CIRSR: variants seen among roughly 807,000 people sequenced by gnomAD.
CIRSR encodes CBF1 (RBPJ) interacting corepressor 1.
At chr2:174,360,166 A>G in the CIRSR span, among the ~76,000 whole-genome samples, 1 of 152,238 alleles carries the variant, frequency 6.6e-6, no homozygotes, top group Non-Finnish European at 1.5e-5. Context: ...ATATGTAACA[A>G]ACTGCACGTT....
At chr2:174,356,326 C>T in the CIRSR span, among the ~76,000 whole-genome samples, 2 of 151,700 alleles carry the variant, frequency 1.3e-5, no homozygotes, top group South Asian at 2.1e-4. Flanking sequence ...ATTAGCTGGC[C>T]GTGGTGGCGC....
the CIRSR span, chr2:174,378,865 T>C: frequency 8.1e-7 from 1 of 1,227,380 alleles, no homozygotes; most frequent in Non-Finnish European, 1.2e-6. Flanking sequence ...TAAAGAAAAA[T>C]GTTGTTTTAT....
the CIRSR span, chr2:174,369,942 C>G: frequency 4.4e-6 from 6 of 1,357,292 alleles, no homozygotes; most frequent in Non-Finnish European, 5.9e-6. Flanking sequence ...TAAGCACATA[C>G]GGTTGGAAAA....
At chr2:174,386,080 C>T in the CIRSR span, among the ~76,000 whole-genome samples, 14 of 152,144 alleles carry the variant, frequency 9.2e-5, no homozygotes, top group African/African-American at 3.4e-4. Context: ...AGTTTTTCAC[C>T]TCCACTCTGT....
chr2:174,360,736 T>C, the CIRSR span, among the ~76,000 whole-genome samples: 1 of 152,184 alleles, frequency 6.6e-6, no homozygotes, highest in African/African-American at 2.4e-5. Flanking sequence ...AGAACAAGAT[T>C]GTAATTAAAA....
At chr2:174,348,245 G>A in the CIRSR span, 1 of 423,510 alleles carries the variant, frequency 2.4e-6, no homozygotes, top group Non-Finnish European at 4.0e-6. Flanking sequence ...ACAAGAAACA[G>A]TTACCAACAG....
chr2:174,392,147 G>A, the CIRSR span, among the ~76,000 whole-genome samples: 3 of 152,158 alleles, frequency 2.0e-5, no homozygotes, highest in South Asian at 2.1e-4. Flanking sequence ...ACAAGCGCCC[G>A]CCACCACACC....
chr2:174,382,583 G>C, the CIRSR span, among the ~76,000 whole-genome samples: 2 of 152,156 alleles, frequency 1.3e-5, no homozygotes, highest in Admixed American at 1.3e-4. Context: ...AGGTTGCAGT[G>C]AGCCGAGATC....
At chr2:174,387,576 T>C in the CIRSR span, 5 of 1,196,116 alleles carry the variant, frequency 4.2e-6, no homozygotes, top group Non-Finnish European at 5.7e-6. Context: ...ACACGAATCC[T>C]ATAATTGGGT....
the CIRSR span, among the ~76,000 whole-genome samples, chr2:174,353,530 C>G: frequency 6.6e-6 from 1 of 152,076 alleles, no homozygotes; most frequent in African/African-American, 2.4e-5. Context: ...TGCAGTGGCA[C>G]GATCTCGGCT....
the CIRSR span, among the ~76,000 whole-genome samples, chr2:174,364,788 G>A: frequency 2.6e-5 from 4 of 152,176 alleles, no homozygotes; most frequent in Admixed American, 6.5e-5. Context: ...CAGGTCCCTG[G>A]GCTGCACACA....
chr2:174,349,197 C>T, the CIRSR span: 65 of 1,161,924 alleles, frequency 5.6e-5, no homozygotes, highest in African/African-American at 8.8e-4. Context: ...TAAACAGTAA[C>T]AGACTGTGTG....
chr2:174,350,272 C>T, the CIRSR span, among the ~76,000 whole-genome samples: 1 of 152,108 alleles, frequency 6.6e-6, no homozygotes, highest in Admixed American at 6.6e-5. Flanking sequence ...TTCACGTTTA[C>T]CTTAAATTTA....
chr2:174,385,552 CT>C, the CIRSR span, among the ~76,000 whole-genome samples: 1 of 151,972 alleles, frequency 6.6e-6, no homozygotes, highest in Non-Finnish European at 1.5e-5. Flanking sequence ...CCTAAGAAAA[CT>C]GGTTGATTCC....
At chr2:174,392,238 C>T in the CIRSR span, among the ~76,000 whole-genome samples, 1 of 152,236 alleles carries the variant, frequency 6.6e-6, no homozygotes, top group South Asian at 2.1e-4. Context: ...CTCGGGTGAT[C>T]CACCCACCTC....
At chr2:174,354,354 G>T in the CIRSR span, among the ~76,000 whole-genome samples, 1 of 120,054 alleles carries the variant, frequency 8.3e-6, no homozygotes, top group Non-Finnish European at 1.6e-5. Context: ...CTTTTTATAA[G>T]ATATATTATA....
At chr2:174,372,782 G>A in the CIRSR span, among the ~76,000 whole-genome samples, 1 of 152,018 alleles carries the variant, frequency 6.6e-6, no homozygotes, top group South Asian at 2.1e-4. Flanking sequence ...GGGTTTCTCA[G>A]TGTTGTCCAG....
the CIRSR span, among the ~76,000 whole-genome samples, chr2:174,363,708 AAGAG>A: frequency 6.6e-6 from 1 of 152,176 alleles, no homozygotes. Context: ...GCAGCAGGCA[AAGAG>A]AGAGAGCTTG....
At chr2:174,351,714 G>A in the CIRSR span, 1 of 1,611,764 alleles carries the variant, frequency 6.2e-7, no homozygotes, top group Non-Finnish European at 8.5e-7. Context: ...TCCGAGGGGT[G>A]CATCGATGGC....
Sources: gnomAD v4.1 joint callset for allele counts (sites outside exome capture counted in the v4.1 genomes callset) on GRCh38, gnomAD v4.1.1 for gene constraint, MANE v1.5 for transcripts, NCBI Gene and HGNC (gene_info 2026-07-23, HGNC 2026-07-21) for gene names.